The following CYP27B1 variants were observed in gnomAD, a reference collection of about 807,000 sequenced individuals.
The protein encoded by CYP27B1 is 25-hydroxyvitamin D-1 alpha hydroxylase, mitochondrial.
In CYP27B1, 46 loss-of-function variants were observed where a neutral mutation model predicts 54.8. That is an observed-to-expected ratio of 0.84 (90% confidence interval 0.66 to 1.07). CYP27B1 has a LOEUF of 1.07. CYP27B1 is among the 50% of genes least tolerant of loss of function. The pLI is 0.00. For missense variants in CYP27B1, 674 were observed against 692.2 expected (o/e 0.97, Z 0.30); for synonymous variants, 292 against 297.3 (o/e 0.98, Z 0.18).
At position 57,766,896 on chromosome 12, in the gene CYP27B1, A is replaced by G; in HGVS notation, c.146T>C (p.Leu49Pro). The G allele has an allele frequency of 6.2e-7, 1 of 1,614,214 alleles. No homozygotes were observed. The highest frequency in any genetic ancestry group is 8.5e-7 in the Non-Finnish European group (1 of 1,180,036). The change falls in exon 1 of 9, where the codon CTG (leucine) becomes CCG (proline). Residue 49 changes from leucine to proline, a missense_variant. Leu to Pro is a moderately conservative substitution (Grantham distance 98, BLOSUM62 -3). Coordinates refer to ENST00000228606, the MANE Select transcript of CYP27B1 (RefSeq NM_000785.4). ...CCCCCCCTTGCAGAAAAGTTCGGCC[A>G]GAAAGCTGGGCGTAGAGGGGCCTGG... ...DIPGPSTPSF[L>P]AELFCKGGLS...
rs555068245 is a variant in CYP27B1, at chr12:57,763,649, G to C, written c.1375C>G (p.Arg459Gly). The change falls in exon 8 of 9, where the codon CGC becomes GGC. Residue 459 changes from arginine (R) to glycine (G), a missense_variant. Arg to Gly is a moderately radical substitution (Grantham distance 125). Transcript: ENST00000228606. Reference sequence around the variant, plus strand: ...ATTTGCAATTCAAGCTCTGCCAGGCGTCTCCCCATACAGCTGCGCTTGCCA... The same window carrying C: ...ATTTGCAATTCAAGCTCTGCCAGGCCTCTCCCCATACAGCTGCGCTTGCCA... ...GFGKRSCMGR[R>G]LAELELQMAL... 6.2e-7 allele frequency: 1 copy of C among 1,613,794 alleles called. No individual in the cohort carries two copies. Among genetic ancestry groups the C allele is most frequent in the Non-Finnish European group, 8.5e-7 (1 of 1,179,978 alleles).
rs1412805569 is a variant in CYP27B1, at chr12:57,765,435, C to T, written c.451G>A (p.Ala151Thr). 6.2e-7 allele frequency: 1 copy of T among 1,612,656 alleles called. No homozygotes were observed. Among genetic ancestry groups the T allele is most frequent in the East Asian group, 2.2e-5 (1 of 44,836 alleles). ...LAPLLLRPQA[A>T]ARYAGTLNNV... ...TTCAGGGTTCCGGCGTAGCGGGCGG[C>T]CGCTTGAGGCCGGAGGAGGAGCGGG... Residue 151 changes from alanine to threonine, a missense_variant, in exon 3 of 9, where the codon GCC becomes ACC. Coordinates refer to ENST00000228606, the MANE Select transcript of CYP27B1 (RefSeq NM_000785.4). This position sits in a 1 kb window ranked among gnomAD's most constrained non-coding sequence, Gnocchi z 5.8.
At chr12:57,766,349 ACTC>A in intron 1 of CYP27B1, 152 bp from the exon 2 acceptor site, 2 of 1,031,624 alleles carry the variant, frequency 1.9e-6, no homozygotes, top group South Asian at 2.0e-5. Flanking sequence ...GATACTGCAA[ACTC>A]CTCCTCTCTC....
Position 57,762,582 on chromosome 12 carries a change from G to C in CYP27B1, c.*560C>G, listed in dbSNP as rs996062001. 1.1e-5 allele frequency: 2 copies of C among 176,172 alleles called. 1 individual carries two copies. The highest frequency in any genetic ancestry group is 4.7e-5 in the African/African-American group (2 of 42,336). The allele number at this position is 176,172 out of a possible 1,614,324, so 10.9% of individuals were successfully genotyped here. On this transcript the variant is annotated 3_prime_UTR_variant, in exon 9 of 9. Transcript: ENST00000228606. ...GAAGGGGGTAGACAGAGCCTACTAA[G>C]TAAGCTGCTTATCCCTTCTGCCACA...
rs1316435952 is a variant in CYP27B1, at chr12:57,766,079, G to A, written c.314C>T (p.Pro105Leu). ...EELLRQEGPR[P>L]ERCSFSPWTE... ...CCAGGGCGAGAAGCTGCAGCGCTCG[G>A]GCCGGGGTCCCTCCTGTCGCAGCAG... Residue 105 changes from proline to leucine, a missense_variant, in exon 2 of 9, where the codon CCC (proline) becomes CTC (leucine). Pro to Leu is a moderately conservative substitution (Grantham distance 98). Transcript: ENST00000228606. The A allele has an allele frequency of 6.4e-7, 1 of 1,552,720 alleles. No homozygotes were observed. Among genetic ancestry groups the A allele is most frequent in the Non-Finnish European group, 8.7e-7 (1 of 1,153,044 alleles).
chr12:57,766,221 A>G (rs1262062741), intron 1 of CYP27B1, 24 bp from the exon 2 acceptor site: 5 of 1,518,038 alleles, frequency 3.3e-6, no homozygotes, highest in Non-Finnish European at 4.4e-6. Flanking sequence ...CACAGCGGAC[A>G]CTTGGATACC....
rs561296392 is a variant in CYP27B1 at position 57,765,563 on chromosome 12, G to A, written c.387-64C>T. 1.7e-5 allele frequency: 26 copies of A among 1,511,548 alleles called. 1 individual carries two copies. The South Asian group carries it at 3.1e-4, about 18-fold the overall frequency. The allele number at this position is 1,511,548 out of a possible 1,614,324, so 93.6% of individuals were successfully genotyped here. On this transcript the variant is annotated intron_variant, in intron 2 of 8. Coordinates refer to ENST00000228606, the MANE Select transcript of CYP27B1 (RefSeq NM_000785.4). This position sits in a 1 kb window ranked among gnomAD's most constrained non-coding sequence, Gnocchi z 5.8. ...GGACGGCTCGACGGGACTGGCTGCA[G>A]TGAAGGAGCGCGTTCGGCTGCGGTG...
rs757777816 is a variant in CYP27B1, at chr12:57,765,419, C to T, written c.467G>A (p.Gly156Glu). The change falls in exon 3 of 9, where the codon GGA becomes GAA. Residue 156 changes from glycine (G) to glutamate (E), a missense_variant. Physicochemically the swap from Gly to Glu is moderately conservative, Grantham distance 98 (BLOSUM62 -2). Coordinates refer to ENST00000228606, the MANE Select transcript of CYP27B1 (RefSeq NM_000785.4). This position sits in a 1 kb window ranked among gnomAD's most constrained non-coding sequence, Gnocchi z 5.8. The stretch of plus-strand genomic sequence containing the variant: ...GTCGCAGACTACGTTGTTCAGGGTT[C>T]CGGCGTAGCGGGCGGCCGCTTGAGG... ...LRPQAAARYA[G>E]TLNNVVCDLV... The T allele has an allele frequency of 6.8e-6, 11 of 1,612,988 alleles. No individual in the cohort carries two copies. In the East Asian group the frequency reaches 1.6e-4, roughly 23 times the overall value.
chr12:57,765,446 CGGA>C lies in CYP27B1; in HGVS notation c.437_439del (p.Leu146del). The stretch of plus-strand genomic sequence containing the variant: ...GGCGTAGCGGGCGGCCGCTTGAGGC[CGGA>C]GGAGGAGCGGGGCCAGGAGACTGCG... On this transcript the variant is annotated inframe_deletion, in exon 3 of 9. Coordinates refer to ENST00000228606, the MANE Select transcript of CYP27B1 (RefSeq NM_000785.4). The surrounding 1 kb of genome is among the most constrained non-coding windows in gnomAD (Gnocchi z 5.8). 1 of 1,612,844 alleles carries C rather than the reference CGGA, an allele frequency of 6.2e-7. No individual in the cohort carries two copies. Among genetic ancestry groups the C allele is most frequent in the Non-Finnish European group, 8.5e-7 (1 of 1,179,554 alleles).
In CYP27B1 at chr12:57,763,653, C is replaced by T. The variant is rs1955336074; in HGVS notation, c.1371G>A (p.Gly457=). The T allele has an allele frequency of 6.2e-7, 1 of 1,613,894 alleles. No homozygotes were observed. The highest frequency in any genetic ancestry group is 1.7e-5 in the Admixed American group (1 of 59,990). The change falls in exon 8 of 9, where the codon GGG becomes GGA. Residue 457 remains glycine, a synonymous_variant. Coordinates refer to ENST00000228606, the MANE Select transcript of CYP27B1 (RefSeq NM_000785.4). ...PFGFGKRSCM[G]RRLAELELQM... is the part of the protein sequence containing the mutation. ...GCAATTCAAGCTCTGCCAGGCGTCT[C>T]CCCATACAGCTGCGCTTGCCAAAGC...
chr12:57,763,012 A>G lies in CYP27B1; in HGVS notation c.*130T>C, dbSNP rs963769090. 21 of 730,668 alleles carry G rather than the reference A, an allele frequency of 2.9e-5. No homozygotes were observed. In the African/African-American group the frequency reaches 3.1e-4, roughly 11 times the overall value. 45.3% of individuals were successfully genotyped at this position (730,668 alleles called of 1,614,324 possible). On this transcript the variant is annotated 3_prime_UTR_variant, in exon 9 of 9. Transcript: ENST00000228606. ...ATTGGTCAGGGCCGCCTCACACTTC[A>G]CTATGGTGGTTCTATCCAGTTTGGT...
Position 57,764,079 on chromosome 12 carries a change from G to A in CYP27B1, c.1215+19C>T. 1.3e-6 allele frequency: 2 copies of A among 1,584,416 alleles called. No individual in the cohort carries two copies. Among genetic ancestry groups the A allele is most frequent in the Non-Finnish European group, 1.7e-6 (2 of 1,152,954 alleles). The stretch of plus-strand genomic sequence containing the variant: ...AGTGAGGAATGGCTCAGTAGAAAGG[G>A]TGCATAGGCTTTACTCACATTTTTG... On this transcript the variant is annotated intron_variant, in intron 7 of 8. Transcript: ENST00000228606.
chr12:57,766,885 A>G lies in CYP27B1; in HGVS notation c.157T>C (p.Phe53Leu). 1.2e-6 allele frequency: 2 copies of G among 1,614,158 alleles called. No homozygotes were observed. The highest frequency in any genetic ancestry group is 1.7e-6 in the Non-Finnish European group (2 of 1,180,024). The part of the protein sequence containing the change: ...PSTPSFLAEL[F>L]CKGGLSRLHE... The stretch of plus-strand genomic sequence containing the variant: ...AGCCTCGACAGCCCCCCCTTGCAGA[A>G]AAGTTCGGCCAGAAAGCTGGGCGTA... Residue 53 changes from phenylalanine to leucine, a missense_variant, in exon 1 of 9, where the codon TTC becomes CTC. Transcript: ENST00000228606.
In CYP27B1 at chr12:57,763,121, T is replaced by A; in HGVS notation, c.*21A>T. 6.6e-7 allele frequency: 1 copy of A among 1,518,822 alleles called. No individual in the cohort carries two copies. Among genetic ancestry groups the A allele is most frequent in the African/African-American group, 1.4e-5 (1 of 73,126 alleles). 94.1% of individuals were successfully genotyped at this position (1,518,822 alleles called of 1,614,324 possible). On this transcript the variant is annotated 3_prime_UTR_variant, in exon 9 of 9. Transcript: ENST00000228606. ...CCTATGATGAATGAAAGGGTGATGATGACAGTCTCTTTCCATGGGACTATC... is the reference window on the plus strand; with the variant it reads ...CCTATGATGAATGAAAGGGTGATGAAGACAGTCTCTTTCCATGGGACTATC...
chr12:57,766,173 G>C lies in CYP27B1; in HGVS notation c.220C>G (p.Pro74Ala). The C allele has an allele frequency of 6.5e-7, 1 of 1,543,198 alleles. No homozygotes were observed. The highest frequency in any genetic ancestry group is 8.7e-7 in the Non-Finnish European group (1 of 1,145,304). Residue 74 changes from proline (P) to alanine (A), a missense_variant, in exon 2 of 9, where the codon CCG becomes GCG. Pro to Ala is a conservative substitution (Grantham distance 27, BLOSUM62 -1). Coordinates refer to ENST00000228606, the MANE Select transcript of CYP27B1 (RefSeq NM_000785.4). Reference sequence around the variant, plus strand: ...GTCCCAAAGCTGGCTAGCCACACCGGCCCGAAGTGCGCGGCGCCCTGCACC... The same window carrying C: ...GTCCCAAAGCTGGCTAGCCACACCGCCCCGAAGTGCGCGGCGCCCTGCACC... The part of the protein sequence containing the change: ...LQVQGAAHFG[P>A]VWLASFGTVR...
In CYP27B1 at chr12:57,765,029, C is replaced by T; in HGVS notation, c.772G>A (p.Asp258Asn). ...GPWGRLCRDW[D>N]QMFAFAQRHV... The stretch of plus-strand genomic sequence containing the variant: ...GCCTTACCAAATGCAAACATCTGGT[C>T]CCAGTCTCGGCAGAGGCGGCCCCAG... The change falls in exon 4 of 9, where the codon GAC becomes AAC. Residue 258 changes from aspartate (D) to asparagine (N), a missense_variant. Asp to Asn is a conservative substitution (Grantham distance 23, BLOSUM62 1). Transcript: ENST00000228606. The surrounding 1 kb of genome is among the most constrained non-coding windows in gnomAD (Gnocchi z 5.8). 6.2e-7 allele frequency: 1 copy of T among 1,613,890 alleles called. No individual in the cohort carries two copies. Among genetic ancestry groups the T allele is most frequent in the Non-Finnish European group, 8.5e-7 (1 of 1,180,046 alleles).
rs1186626190 is a variant in CYP27B1 at position 57,763,031 on chromosome 12, GT to G, written c.*110del. On this transcript the variant is annotated 3_prime_UTR_variant, in exon 9 of 9. Coordinates refer to ENST00000228606, the MANE Select transcript of CYP27B1 (RefSeq NM_000785.4). ...CACTTCACTATGGTGGTTCTATCCA[GT>G]TTGGTCAGATAGGCATTAGGGGAAG... The G allele has an allele frequency of 2.6e-6, 2 of 779,036 alleles. No individual in the cohort carries two copies. The highest frequency in any genetic ancestry group is 2.7e-5 in the East Asian group (1 of 37,038). The allele number at this position is 779,036 out of a possible 1,614,324, so 48.3% of individuals were successfully genotyped here.
chr12:57,765,953 G>C lies in CYP27B1; in HGVS notation c.386+54C>G. ...CAGATTGATAGTTTCGGGACCCGCAGCAGGAGAGGGCCGCTGCAGGGCGTC... is the reference window on the plus strand; with the variant it reads ...CAGATTGATAGTTTCGGGACCCGCACCAGGAGAGGGCCGCTGCAGGGCGTC... On this transcript the variant is annotated intron_variant, in intron 2 of 8. Transcript: ENST00000228606. This position sits in a 1 kb window ranked among gnomAD's most constrained non-coding sequence, Gnocchi z 5.8. The C allele has an allele frequency of 6.7e-7, 1 of 1,489,286 alleles. No homozygotes were observed. The highest frequency in any genetic ancestry group is 8.9e-7 in the Non-Finnish European group (1 of 1,120,754). The allele number at this position is 1,489,286 out of a possible 1,614,324, so 92.3% of individuals were successfully genotyped here. A position where few individuals can be genotyped will look rare whatever the true frequency, so the allele number is the denominator to read the frequency against.
Position 57,765,940 on chromosome 12 carries a change from T to C in CYP27B1, c.386+67A>G. 1 of 1,474,466 alleles carries C rather than the reference T, an allele frequency of 6.8e-7. No individual in the cohort carries two copies. Among genetic ancestry groups the C allele is most frequent in the Non-Finnish European group, 9.0e-7 (1 of 1,115,100 alleles). The allele number at this position is 1,474,466 out of a possible 1,614,324, so 91.3% of individuals were successfully genotyped here. A position where few individuals can be genotyped will look rare whatever the true frequency, so the allele number is the denominator to read the frequency against. On this transcript the variant is annotated intron_variant, in intron 2 of 8. Coordinates refer to ENST00000228606, the MANE Select transcript of CYP27B1 (RefSeq NM_000785.4). This position sits in a 1 kb window ranked among gnomAD's most constrained non-coding sequence, Gnocchi z 5.8. ...CCCACCATGCCCCCAGATTGATAGTTTCGGGACCCGCAGCAGGAGAGGGCC... is the reference window on the plus strand; with the variant it reads ...CCCACCATGCCCCCAGATTGATAGTCTCGGGACCCGCAGCAGGAGAGGGCC...
Sources: gnomAD v4.1 joint callset for allele counts on GRCh38, gnomAD v4.1.1 for gene constraint, Gnocchi (gnomAD v3.1) non-coding constraint, MANE v1.5 for transcripts, NCBI Gene and HGNC (gene_info 2026-07-23, HGNC 2026-07-21) for gene names.